Variants in NLRP11 observed in about 807,000 individuals in gnomAD.
The protein encoded by NLRP11 is NACHT, LRR and PYD domains-containing protein 11.
Under a neutral mutation model 79.3 loss-of-function variants are expected in NLRP11, and 53 were observed. The observed-to-expected ratio is 0.67, with a 90% CI of 0.54 to 0.84. NLRP11 has a LOEUF of 0.84. Among genes scored for constraint, NLRP11 ranks in the 40% least tolerant of loss-of-function variants. The pLI, the probability that NLRP11 is intolerant of heterozygous loss-of-function variation, is 0.00. For synonymous variants in NLRP11, 518 were observed against 462.6 expected, an observed-to-expected ratio of 1.12 and a Z score of -1.54; for missense variants, 1,264 against 1,255.0, an observed-to-expected ratio of 1.01 and a Z score of -0.11.
At chr19:55,789,656 G>A (rs1384962482) in intron 7 of NLRP11, among the ~76,000 whole-genome samples, 2 of 152,206 alleles carry the variant, frequency 1.3e-5, no homozygotes, top group Non-Finnish European at 1.5e-5. Context: ...AGGCCAGAAT[G>A]TTTTAAGCAT....
chr19:55,833,995 T>A (rs1376419507), upstream of NLRP11, among the ~76,000 whole-genome samples: 1 of 151,856 alleles, frequency 6.6e-6, no homozygotes, highest in Non-Finnish European at 1.5e-5. Context: ...AGAAAAATAA[T>A]TACAAGTGAC....
At chr19:55,788,708 C>T in intron 9 of NLRP11, 99 bp downstream of exon 9, 1 of 859,698 alleles carries the variant, frequency 1.2e-6, no homozygotes, top group Non-Finnish European at 1.7e-6. Flanking sequence ...CCACTGCACT[C>T]CAGCCTGGGC....
intron 2 of NLRP11, among the ~76,000 whole-genome samples, chr19:55,816,860 G>C (rs112948310): frequency 6.6e-6 from 1 of 152,278 alleles, no homozygotes; most frequent in Non-Finnish European, 1.5e-5. Context: ...GGATCATAAA[G>C]CCACAAAATA....
At position 55,822,978 on chromosome 19, in the gene NLRP11, A is replaced by T. The variant is rs1381730988; in HGVS notation, c.-62-4742T>A. On this transcript the variant is annotated intron_variant, in intron 1 of 9. Transcript: ENST00000589093. ...GGGGGCAGGGCACAGACAAACAAAA[A>T]GACAGCAGTAACCTCTGCAGACTTA... Among the ~76,000 whole-genome samples, 5 of 151,946 alleles carry T rather than the reference A, an allele frequency of 3.3e-5. No individual in the cohort carries two copies. The East Asian group carries it at 7.8e-4, about 24-fold the overall frequency.
At chr19:55,789,704 G>A (rs773299575) in intron 7 of NLRP11, among the ~76,000 whole-genome samples, 6 of 152,180 alleles carry the variant, frequency 3.9e-5, no homozygotes, top group African/African-American at 7.2e-5. Flanking sequence ...AACCTACACC[G>A]TTGCAATACT....
chr19:55,809,985 C>G lies in NLRP11; in HGVS notation c.625G>C (p.Asp209His). 6.2e-7 allele frequency: 1 copy of G among 1,614,156 alleles called. No homozygotes were observed. The highest frequency in any genetic ancestry group is 8.5e-7 in the Non-Finnish European group (1 of 1,179,992). ...ATGTCTGCAATGGGAGCCTGGCCGT[C>G]AGGCCAGTCCTTGGCGATTAGCTCA... Residue 209 changes from aspartate (D) to histidine (H), a missense_variant, in exon 3 of 10, where the codon GAC (aspartate) becomes CAC (histidine). By Grantham distance (81) the Asp-to-His change is moderately conservative (BLOSUM62 -1). Transcript: ENST00000589093. This position sits in a 1 kb window ranked among gnomAD's most constrained non-coding sequence, Gnocchi z 4.5.
At chr19:55,785,567 C>A (rs1348475028) in exon 10 of NLRP11, 2 of 1,500,386 alleles carry the variant, frequency 1.3e-6, no homozygotes, top group African/African-American at 2.8e-5. Flanking sequence ...AGTCCTAATT[C>A]TCTTGCATCC....
At chr19:55,808,825 C>G (rs1980267399) in exon 3 of NLRP11, 1 of 1,613,190 alleles carries the variant, frequency 6.2e-7, no homozygotes, top group African/African-American at 1.3e-5. Flanking sequence ...GAACACTCAA[C>G]TTAAGTGTCC....
intron 1 of NLRP11, among the ~76,000 whole-genome samples, chr19:55,831,618 T>C (rs1982795752): frequency 2.0e-5 from 3 of 152,102 alleles, no homozygotes; most frequent in Non-Finnish European, 4.4e-5. Flanking sequence ...ATACATCACA[T>C]AGAAGAATAG....
At chr19:55,830,646 ATTAC>A (rs1982666810) in intron 1 of NLRP11, among the ~76,000 whole-genome samples, 1 of 150,182 alleles carries the variant, frequency 6.7e-6, no homozygotes, top group African/African-American at 2.5e-5. Context: ...AAAAGCTCTT[ATTAC>A]TTTTCCCAAA....
At chr19:55,824,531 GA>G (rs1982117267) in intron 1 of NLRP11, among the ~76,000 whole-genome samples, 1 of 134,386 alleles carries the variant, frequency 7.4e-6, no homozygotes, top group Non-Finnish European at 1.5e-5. Context: ...CTCATGTGCA[GA>G]GACACACATA....
At chr19:55,803,830 C>T (rs1979720328) in intron 4 of NLRP11, among the ~76,000 whole-genome samples, 1 of 152,208 alleles carries the variant, frequency 6.6e-6, no homozygotes, top group African/African-American at 2.4e-5. Context: ...GCCTGTAATC[C>T]TAGCACTTTG....
chr19:55,788,741 C>CAAAAAAAAAAAAAAAA (rs58239530), intron 9 of NLRP11, 66 bp downstream of exon 9: 1 of 332,750 alleles, frequency 3.0e-6, no homozygotes, highest in Non-Finnish European at 4.5e-6. Context: ...CTCTGTCTCT[C>CAAAAAAAAAAAAAAAA]AAAAAAAAAA....
rs770758532 is a variant in NLRP11, at chr19:55,809,149, G to A, written c.1461C>T (p.Asp487=). ...AAATGAAAGTAAACACTTGATTAAAGTCAGAGTATTGTTCTCTCTTCTCTT... is the reference window on the plus strand; with the variant it reads ...AAATGAAAGTAAACACTTGATTAAAATCAGAGTATTGTTCTCTCTTCTCTT... The change falls in exon 3 of 10, where the codon GAC becomes GAT. Residue 487 remains aspartate (D), a synonymous_variant. Coordinates refer to ENST00000589093, the Ensembl canonical transcript of NLRP11. The surrounding 1 kb of genome is among the most constrained non-coding windows in gnomAD (Gnocchi z 4.5). 1.9e-6 allele frequency: 3 copies of A among 1,613,740 alleles called. No homozygotes were observed. Among genetic ancestry groups the A allele is most frequent in the Non-Finnish European group, 8.5e-7 (1 of 1,179,874 alleles).
intron 9 of NLRP11, among the ~76,000 whole-genome samples, chr19:55,787,225 C>T (rs936021263): frequency 4.6e-5 from 7 of 152,318 alleles, no homozygotes; most frequent in Middle Eastern, 6.8e-3. Flanking sequence ...GCTTTCTACA[C>T]ACGTGACAGT....
chr19:55,834,790 C>T (rs1039281347), upstream of NLRP11, among the ~76,000 whole-genome samples: 10 of 151,974 alleles, frequency 6.6e-5, no homozygotes, highest in African/African-American at 2.2e-4. Flanking sequence ...AGAAATGAAC[C>T]GCAGCTATAA....
chr19:55,814,156 G>A (rs866864187), intron 2 of NLRP11, among the ~76,000 whole-genome samples: 1 of 152,044 alleles, frequency 6.6e-6, no homozygotes, highest in African/African-American at 2.4e-5. Context: ...TCACAGAAGC[G>A]TGAACCCTAT....
intron 2 of NLRP11, among the ~76,000 whole-genome samples, chr19:55,817,624 G>T (rs1290727759): frequency 6.6e-6 from 1 of 152,068 alleles, no homozygotes; most frequent in African/African-American, 2.4e-5. Flanking sequence ...AAGCTATGAG[G>T]ATGCAAAGGC....
chr19:55,834,922 A>G (rs1448127226), upstream of NLRP11, among the ~76,000 whole-genome samples: 1 of 152,200 alleles, frequency 6.6e-6, no homozygotes, highest in African/African-American at 2.4e-5. Context: ...ATGTATCACC[A>G]GGAAAAATAA....
Sources: allele counts gnomAD v4.1 joint callset (sites outside exome capture counted in the v4.1 genomes callset), GRCh38; gene constraint gnomAD v4.1.1; non-coding constraint Gnocchi (gnomAD v3.1); transcripts MANE v1.5; gene names NCBI Gene and HGNC (gene_info 2026-07-23, HGNC 2026-07-21).